Variants in UBR2 observed in about 807,000 individuals in gnomAD.
UBR2 encodes the protein E3 ubiquitin-protein ligase UBR2.
A neutral mutation model predicts 247.9 loss-of-function variants in UBR2; 92 were observed. That is an observed-to-expected ratio of 0.37 (90% CI 0.31 to 0.44). UBR2 has a LOEUF of 0.44. Ranked by LOEUF, UBR2 falls within the 20% of genes least tolerant of loss-of-function variation. UBR2 has a pLI of 1.00. For missense variants in UBR2, 1,613 were observed against 2,112.6 expected (o/e 0.76, Z 4.64); for synonymous variants, 672 against 693.5 (o/e 0.97, Z 0.49).
intron 2 of UBR2, among the ~76,000 whole-genome samples, chr6:42,582,830 T>C (rs1396154712): frequency 1.3e-5 from 2 of 152,166 alleles, no homozygotes; most frequent in Admixed American, 1.3e-4. Context: ...TATTTAATGA[T>C]ATCTCATTAT....
At chr6:42,666,325 T>C (rs1798105401) in intron 34 of UBR2, 80 bp downstream of exon 34, 1 of 1,297,484 alleles carries the variant, frequency 7.7e-7, no homozygotes, top group South Asian at 1.3e-5. Flanking sequence ...GGAATATGAT[T>C]TGGCAAGTGA....
intron 8 of UBR2, 84 bp from the exon 9 acceptor site, chr6:42,614,987 C>A (rs1794446980): frequency 1.8e-6 from 2 of 1,125,246 alleles, no homozygotes; most frequent in African/African-American, 1.6e-5. Context: ...TAAAACTCTA[C>A]AGATCCATTT....
intron 23 of UBR2, 33 bp from the exon 24 acceptor site, chr6:42,651,987 CTAA>C (rs1270827210): frequency 6.4e-7 from 1 of 1,561,760 alleles, no homozygotes; most frequent in Non-Finnish European, 8.6e-7. Flanking sequence ...GTGGGCATTA[CTAA>C]TTCCCGGTCC....
chr6:42,657,202 T>C (rs1797490859), intron 26 of UBR2, among the ~76,000 whole-genome samples: 1 of 143,336 alleles, frequency 7.0e-6, no homozygotes, highest in Admixed American at 7.2e-5. Context: ...ACCACTGCAC[T>C]CCAGCCTGGG....
chr6:42,576,093 G>A (rs1224899878), intron 2 of UBR2, among the ~76,000 whole-genome samples: 1 of 151,510 alleles, frequency 6.6e-6, no homozygotes, highest in Non-Finnish European at 1.5e-5. Flanking sequence ...GCTTTCTCCT[G>A]CCCCAACCCT....
chr6:42,614,562 G>T (rs1794419666), intron 8 of UBR2, among the ~76,000 whole-genome samples: 1 of 151,834 alleles, frequency 6.6e-6, no homozygotes. Context: ...GTTTTCCAGG[G>T]TCTCACATGC....
At chr6:42,574,203 GCCCA>G (rs1791353931) in intron 2 of UBR2, among the ~76,000 whole-genome samples, 3 of 152,192 alleles carry the variant, frequency 2.0e-5, no homozygotes, top group African/African-American at 7.2e-5. Context: ...CATTCTTGAA[GCCCA>G]CTGTGTGCTT....
At chr6:42,640,151 T>G in intron 15 of UBR2, 58 bp from the exon 16 acceptor site, 4 of 1,409,322 alleles carry the variant, frequency 2.8e-6, no homozygotes, top group Non-Finnish European at 3.9e-6. Context: ...TTTAGGGTAT[T>G]TTTCCTAAAT....
intron 26 of UBR2, 43 bp downstream of exon 26, chr6:42,655,766 G>T (rs774952220): frequency 8.3e-7 from 1 of 1,202,362 alleles, no homozygotes; most frequent in African/African-American, 1.6e-5. Context: ...AGATATAAAT[G>T]ATTTTAAGAA....
intron 7 of UBR2, among the ~76,000 whole-genome samples, chr6:42,611,926 A>AG (rs1331166291): frequency 6.6e-6 from 1 of 151,852 alleles, no homozygotes; most frequent in African/African-American, 2.4e-5. Flanking sequence ...AAAAAAAAAA[A>AG]AAAAGATTCA....
chr6:42,568,888 A>G (rs946184888), intron 1 of UBR2, among the ~76,000 whole-genome samples: 1 of 152,172 alleles, frequency 6.6e-6, no homozygotes, highest in African/African-American at 2.4e-5. Context: ...CCAAAATCCA[A>G]ATGTTCCAAT....
At chr6:42,644,598 T>A (rs1381869405) in intron 20 of UBR2, 62 bp downstream of exon 20, 1 of 1,413,794 alleles carries the variant, frequency 7.1e-7, no homozygotes, top group Non-Finnish European at 9.8e-7. Flanking sequence ...AGCAAATAGT[T>A]TGGAATTTCT....
rs1189556746 is a variant in UBR2, at chr6:42,659,510, TAA to T, written c.3243-144_3243-143del. The stretch of plus-strand genomic sequence containing the variant: ...GCAAGACTCTGTCTCAAAAAATAAA[TAA>T]ATATATATACACACACACACACACA... On this transcript the variant is annotated intron_variant, in intron 29 of 46. Coordinates refer to ENST00000372901, the MANE Select transcript of UBR2 (RefSeq NM_001363705.2). The surrounding 1 kb of genome is among the most constrained non-coding windows in gnomAD (Gnocchi z 4.3). The T allele has an allele frequency of 4.0e-5, 23 of 569,222 alleles. No individual in the cohort carries two copies. The highest frequency in any genetic ancestry group is 8.1e-5 in the South Asian group (3 of 36,840). 35.3% of individuals were successfully genotyped at this position (569,222 alleles called of 1,614,324 possible).
chr6:42,591,449 A>G (rs1000150268), intron 2 of UBR2, among the ~76,000 whole-genome samples: 5 of 152,180 alleles, frequency 3.3e-5, no homozygotes, highest in Middle Eastern at 3.2e-3. Flanking sequence ...GATATGATCT[A>G]TAAATGTATC....
intron 5 of UBR2, 103 bp downstream of exon 5, chr6:42,603,821 C>T: frequency 8.4e-7 from 1 of 1,191,368 alleles, no homozygotes; most frequent in Non-Finnish European, 1.2e-6. Context: ...GAGTTTTTAG[C>T]AGAACAATAA....
intron 32 of UBR2, 88 bp downstream of exon 32, chr6:42,663,507 AG>A: frequency 7.4e-7 from 1 of 1,343,164 alleles, no homozygotes; most frequent in Non-Finnish European, 1.0e-6. Context: ...AACTTAGTCT[AG>A]GCAATTGCAT....
chr6:42,614,358 A>G (rs1365456247), intron 8 of UBR2, among the ~76,000 whole-genome samples: 2 of 128,208 alleles, frequency 1.6e-5, no homozygotes, highest in East Asian at 4.8e-4. Context: ...GTATGTGTGT[A>G]TATATGTGTG....
At chr6:42,653,067 C>A (rs974764285) in intron 25 of UBR2, among the ~76,000 whole-genome samples, 13 of 152,054 alleles carry the variant, frequency 8.5e-5, no homozygotes, top group African/African-American at 1.7e-4. Flanking sequence ...AAGTCTGGAA[C>A]CTTGTTTGTG....
chr6:42,573,641 C>T (rs933115173), intron 1 of UBR2, 93 bp from the exon 2 acceptor site: 6 of 1,327,068 alleles, frequency 4.5e-6, no homozygotes, highest in Non-Finnish European at 5.9e-6. Flanking sequence ...ATGCTTTTGT[C>T]ATTATTTTTG....
Sources: allele counts gnomAD v4.1 joint callset (sites outside exome capture counted in the v4.1 genomes callset), GRCh38; gene constraint gnomAD v4.1.1; non-coding constraint Gnocchi (gnomAD v3.1); transcripts MANE v1.5; gene names NCBI Gene and HGNC (gene_info 2026-07-23, HGNC 2026-07-21).